TMEM132D: variants seen among roughly 807,000 people sequenced by gnomAD.
TMEM132D encodes the protein transmembrane protein 132D.
In TMEM132D, 21 loss-of-function variants were observed where a neutral mutation model predicts 62.3. That is an observed-to-expected ratio of 0.34 (90% confidence interval 0.24 to 0.49). The LOEUF is 0.49. Among genes scored for constraint, TMEM132D ranks in the 20% least tolerant of loss-of-function variants. TMEM132D has a pLI of 0.99. For missense variants in TMEM132D, 1,346 were observed against 1,402.8 expected, an observed-to-expected ratio of 0.96 and a Z score of 0.65; for synonymous variants, 621 against 575.6, an observed-to-expected ratio of 1.08 and a Z score of -1.13.
intron 5 of TMEM132D, among the ~76,000 whole-genome samples, chr12:129,199,226 C>T (rs1156768483): frequency 1.3e-5 from 2 of 150,000 alleles, no homozygotes; most frequent in African/African-American, 4.9e-5. Flanking sequence ...TCTCCTCCAT[C>T]AGTGTCCTTA....
intron 5 of TMEM132D, among the ~76,000 whole-genome samples, chr12:129,099,461 A>T (rs1389294897): frequency 6.6e-6 from 1 of 152,044 alleles, no homozygotes; most frequent in Non-Finnish European, 1.5e-5. Context: ...TCACAAAAAA[A>T]CCTCCCACCT....
intron 3 of TMEM132D, among the ~76,000 whole-genome samples, chr12:129,517,224 G>A (rs1355898340): frequency 1.3e-5 from 2 of 152,092 alleles, no homozygotes; most frequent in Non-Finnish European, 2.9e-5. Context: ...ATTTTGCTGG[G>A]ACTCAGCTTC....
chr12:129,302,422 C>T (rs905310055), intron 4 of TMEM132D, among the ~76,000 whole-genome samples: 5 of 152,228 alleles, frequency 3.3e-5, no homozygotes, highest in African/African-American at 1.2e-4. Context: ...GCCTCTGCCA[C>T]CTTTTCTATG....
At chr12:129,552,291 T>C (rs1876919913) in intron 2 of TMEM132D, among the ~76,000 whole-genome samples, 1 of 152,186 alleles carries the variant, frequency 6.6e-6, no homozygotes, top group South Asian at 2.1e-4. Flanking sequence ...TATGCATTTA[T>C]GTCTATTATC....
At chr12:129,609,371 G>A (rs1420087816) in intron 2 of TMEM132D, among the ~76,000 whole-genome samples, 2 of 152,130 alleles carry the variant, frequency 1.3e-5, no homozygotes, top group Non-Finnish European at 2.9e-5. Context: ...CCTTCTTAGA[G>A]TAGGACATAG....
At chr12:129,830,001 G>C (rs571003898) in intron 1 of TMEM132D, among the ~76,000 whole-genome samples, 3 of 152,136 alleles carry the variant, frequency 2.0e-5, no homozygotes, top group South Asian at 2.1e-4. Flanking sequence ...TCTAGAGTGT[G>C]ATCTCACTCA....
chr12:129,607,302 G>A (rs987734581), intron 2 of TMEM132D, among the ~76,000 whole-genome samples: 11 of 152,066 alleles, frequency 7.2e-5, no homozygotes, highest in African/African-American at 2.7e-4. Context: ...AGTGGGTCAC[G>A]CAGAGTGGGC....
intron 4 of TMEM132D, among the ~76,000 whole-genome samples, chr12:129,305,635 G>T (rs950378127): frequency 1.5e-4 from 23 of 152,184 alleles, no homozygotes; most frequent in African/African-American, 4.8e-4. Flanking sequence ...TTGATGAAAG[G>T]CTACATGCTA....
At chr12:129,264,023 T>C (rs1880621396) in intron 4 of TMEM132D, among the ~76,000 whole-genome samples, 1 of 152,180 alleles carries the variant, frequency 6.6e-6, no homozygotes, top group South Asian at 2.1e-4. Flanking sequence ...ACTCTGTCTC[T>C]TGACTGAGTG....
At chr12:129,786,048 C>T (rs184622928) in intron 1 of TMEM132D, among the ~76,000 whole-genome samples, 3 of 152,300 alleles carry the variant, frequency 2.0e-5, no homozygotes, top group South Asian at 4.2e-4. Flanking sequence ...ACTCAAATGA[C>T]TGTGTGTCAA....
Position 129,227,932 on chromosome 12 carries a change from C to CT in TMEM132D, c.1300-18270dup, listed in dbSNP as rs919538970. Among the ~76,000 whole-genome samples the CT allele has an allele frequency of 9.2e-5, 14 of 152,270 alleles. No homozygotes were observed. In the South Asian group the frequency reaches 1.0e-3, roughly 11 times the overall value. ...GTCCCTACAAATGACTTGAACTCAT[C>CT]TTTTTTATGGCTGCATAGTATTCCA... On this transcript the variant is annotated intron_variant, in intron 4 of 8. Transcript: ENST00000422113.
At chr12:129,859,297 G>A (rs1398775999) in intron 1 of TMEM132D, among the ~76,000 whole-genome samples, 2 of 152,164 alleles carry the variant, frequency 1.3e-5, no homozygotes, top group Non-Finnish European at 2.9e-5. Flanking sequence ...AATTTTATTA[G>A]GTTGGTGTAA....
At chr12:129,175,235 A>C (rs1593285798) in intron 5 of TMEM132D, among the ~76,000 whole-genome samples, 6 of 151,860 alleles carry the variant, frequency 4.0e-5, no homozygotes, top group East Asian at 1.9e-4. Flanking sequence ...AATCCATCTC[A>C]AGTTAATTTT....
chr12:129,546,863 T>C lies in TMEM132D; in HGVS notation c.969-15658A>G, dbSNP rs567428900. 1.2e-4 allele frequency among the ~76,000 whole-genome samples: 19 copies of C among 152,248 alleles called. No individual in the cohort carries two copies. In the South Asian group the frequency reaches 3.7e-3, roughly 30 times the overall value. ...GTAGCTACCATTGTAAGGAGAATTT[T>C]GGAGACTTCTGAAAGACATCTTTGC... On this transcript the variant is annotated intron_variant, in intron 2 of 8. Coordinates refer to ENST00000422113, the MANE Select transcript of TMEM132D (RefSeq NM_133448.3).
chr12:129,196,968 T>C (rs549954305), intron 5 of TMEM132D, among the ~76,000 whole-genome samples: 4 of 152,248 alleles, frequency 2.6e-5, no homozygotes, highest in East Asian at 1.9e-4. Context: ...TAAATAATCA[T>C]GTAAGTCACC....
chr12:129,300,907 C>G (rs765292714), intron 4 of TMEM132D, among the ~76,000 whole-genome samples: 4 of 152,178 alleles, frequency 2.6e-5, no homozygotes, highest in African/African-American at 4.8e-5. Context: ...TGGTGCTTCA[C>G]TTCAACCTTT....
chr12:129,223,604 C>A (rs866957716), intron 4 of TMEM132D, among the ~76,000 whole-genome samples: 24 of 152,264 alleles, frequency 1.6e-4, no homozygotes, highest in African/African-American at 5.8e-4. Context: ...AATAAGGATA[C>A]TATGGTTTGC....
intron 3 of TMEM132D, among the ~76,000 whole-genome samples, chr12:129,470,921 A>G (rs557847253): frequency 1.3e-5 from 2 of 152,280 alleles, no homozygotes; most frequent in East Asian, 1.9e-4. Flanking sequence ...GAATAAGAGG[A>G]AAGAAAGAAG....
chr12:129,515,226 G>A (rs75912703), intron 3 of TMEM132D, among the ~76,000 whole-genome samples: 20,353 of 152,162 alleles, frequency 0.13, 1,377 homozygotes, highest in Middle Eastern at 0.18. Flanking sequence ...CCCAGAAATC[G>A]AAACGCTGTG....
Sources: allele counts gnomAD v4.1 joint callset (sites outside exome capture counted in the v4.1 genomes callset), GRCh38; gene constraint gnomAD v4.1.1; transcripts MANE v1.5; gene names NCBI Gene and HGNC (gene_info 2026-07-23, HGNC 2026-07-21).